The following RASA2 variants were observed in gnomAD, a reference collection of about 807,000 sequenced individuals.
RASA2 encodes the protein RAS p21 protein activator 2, also known as ras GTPase-activating protein 2.
A neutral mutation model predicts 118.2 loss-of-function variants in RASA2; 155 were observed. That is an observed-to-expected ratio of 1.31 (90% CI 1.15 to 1.50). The LOEUF (loss-of-function observed/expected upper bound fraction) is 1.50, where lower values mean the gene tolerates loss of function less well. Ranked by LOEUF, RASA2 falls within the 40% of genes most tolerant of loss-of-function variation. The pLI, the probability that RASA2 is intolerant of heterozygous loss-of-function variation, is 0.00. For synonymous variants in RASA2, 353 were observed against 349.1 expected, an observed-to-expected ratio of 1.01 and a Z score of -0.12; for missense variants, 1,016 against 1,009.6, an observed-to-expected ratio of 1.01 and a Z score of -0.09.
intron 18 of RASA2, among the ~76,000 whole-genome samples, 192 bp downstream of exon 18, chr3:141,586,290 C>G (rs1018465512): frequency 6.6e-6 from 1 of 152,082 alleles, no homozygotes; most frequent in Non-Finnish European, 1.5e-5. Flanking sequence ...CCTGTGCATA[C>G]AGTCCTAGAG....
intron 4 of RASA2, among the ~76,000 whole-genome samples, chr3:141,532,026 C>T (rs923050589): frequency 5.3e-5 from 8 of 151,956 alleles, no homozygotes; most frequent in Admixed American, 5.2e-4. Flanking sequence ...AAACAGATTG[C>T]GTTCAACAGG....
At chr3:141,492,847 T>C (rs569827600) in intron 1 of RASA2, among the ~76,000 whole-genome samples, 2 of 152,356 alleles carry the variant, frequency 1.3e-5, no homozygotes, top group South Asian at 4.1e-4. Context: ...ACGTAATACA[T>C]ATCGAAGGGT....
Position 141,571,497 on chromosome 3 carries a change from A to G in RASA2, c.1112A>G (p.His371Arg). ...VLPLVRLLLH[H>R]DKLVPFATAV... Reference sequence around the variant, plus strand: ...CCCCTTGTACGACTGCTGCTGCACCATGATAAACTTGTTCCTTTTGCCACT... The same window carrying G: ...CCCCTTGTACGACTGCTGCTGCACCGTGATAAACTTGTTCCTTTTGCCACT... The change falls in exon 11 of 24, where the codon CAT (histidine) becomes CGT (arginine). Residue 371 changes from histidine to arginine, a missense_variant. His to Arg is a conservative substitution (Grantham distance 29, BLOSUM62 0). Coordinates refer to ENST00000286364, the MANE Select transcript of RASA2 (RefSeq NM_006506.5). 6 of 1,613,184 alleles carry G rather than the reference A, an allele frequency of 3.7e-6. No homozygotes were observed. Among genetic ancestry groups the G allele is most frequent in the East Asian group, 4.5e-5 (2 of 44,830 alleles).
At chr3:141,487,367 G>T (rs1239794692) in intron 1 of RASA2, 151 bp downstream of exon 1, 21 of 940,770 alleles carry the variant, frequency 2.2e-5, no homozygotes, top group Non-Finnish European at 2.8e-5. Flanking sequence ...GCTGGAAGGG[G>T]GTGTGTTGGG....
intron 1 of RASA2, among the ~76,000 whole-genome samples, chr3:141,495,539 C>T (rs987034268): frequency 2.6e-5 from 4 of 151,936 alleles, no homozygotes; most frequent in Middle Eastern, 3.2e-3. Context: ...TTTAAAACAT[C>T]AATTTACAAA....
At chr3:141,504,365 G>T (rs1418035723) in intron 1 of RASA2, among the ~76,000 whole-genome samples, 1 of 152,104 alleles carries the variant, frequency 6.6e-6, no homozygotes, top group Non-Finnish European at 1.5e-5. Context: ...GATGTATAAG[G>T]CATCTCAGAT....
At chr3:141,549,653 G>C in intron 5 of RASA2, among the ~76,000 whole-genome samples, 1 of 152,136 alleles carries the variant, frequency 6.6e-6, no homozygotes, top group East Asian at 1.9e-4. Flanking sequence ...TGACCAAAGA[G>C]CTGAAGTTTA....
Position 141,609,906 on chromosome 3 carries a change from G to T in RASA2, c.2359G>T (p.Gly787Ter). 2 of 1,599,006 alleles carry T rather than the reference G, an allele frequency of 1.3e-6. No individual in the cohort carries two copies. The highest frequency in any genetic ancestry group is 2.3e-5 in the East Asian group (1 of 44,204). The change falls in exon 23 of 24, where the codon GGA becomes TGA. Residue 787 changes from glycine to a stop codon, truncating the protein, a stop_gained. Transcript: ENST00000286364. LOFTEE classifies it high-confidence loss of function. ...EACGTIAVYQ[G>*]PQKEPDDYSN... ...TTGTGGAACTATTGCAGTCTATCAA[G>T]GACCACAGAAAGAGCCTGATGATTA... is the stretch of plus-strand genomic sequence containing the variant.
intron 8 of RASA2, 131 bp downstream of exon 8, chr3:141,559,093 A>G: frequency 1.6e-6 from 1 of 616,446 alleles, no homozygotes; most frequent in East Asian, 3.0e-5. Flanking sequence ...TTAGAGGAAT[A>G]TGCAACTAAT....
chr3:141,584,153 A>G (rs2107773812), intron 17 of RASA2, among the ~76,000 whole-genome samples: 1 of 152,134 alleles, frequency 6.6e-6, no homozygotes, highest in South Asian at 2.1e-4. Flanking sequence ...CAATATGGTT[A>G]AACCCTGTCT....
chr3:141,604,611 C>A (rs2083517844), intron 19 of RASA2, among the ~76,000 whole-genome samples: 2 of 151,996 alleles, frequency 1.3e-5, no homozygotes, highest in South Asian at 2.1e-4. Context: ...TTACTGATTT[C>A]TTTGGCCCAA....
intron 2 of RASA2, among the ~76,000 whole-genome samples, chr3:141,516,075 T>A (rs1182089064): frequency 2.2e-5 from 3 of 136,606 alleles, no homozygotes; most frequent in East Asian, 5.0e-4. Flanking sequence ...GGGGGAGGGA[T>A]AGCATTAGGA....
intron 19 of RASA2, among the ~76,000 whole-genome samples, chr3:141,595,571 A>G (rs533845335): frequency 1.3e-5 from 2 of 152,340 alleles, no homozygotes; most frequent in South Asian, 4.1e-4. Context: ...GGAGAAAAAA[A>G]CAGAATTGAA....
At chr3:141,572,492 T>C (rs1016667560) in intron 11 of RASA2, 117 bp from the exon 12 acceptor site, 2 of 684,002 alleles carry the variant, frequency 2.9e-6, no homozygotes, top group African/African-American at 3.7e-5. Flanking sequence ...TTATGCCTTC[T>C]AGTATGTCTT....
intron 19 of RASA2, among the ~76,000 whole-genome samples, chr3:141,588,947 T>C (rs1278446223): frequency 1.3e-5 from 2 of 151,968 alleles, no homozygotes; most frequent in Non-Finnish European, 2.9e-5. Context: ...ATTCAAGCGA[T>C]TGTCCTGCCT....
chr3:141,491,981 T>C (rs2081645009), intron 1 of RASA2, among the ~76,000 whole-genome samples: 1 of 152,206 alleles, frequency 6.6e-6, no homozygotes, highest in Non-Finnish European at 1.5e-5. Flanking sequence ...TAAGAGTTCA[T>C]TTTTATCAGA....
chr3:141,568,368 T>A (rs11707656), intron 9 of RASA2, among the ~76,000 whole-genome samples: 31,431 of 151,994 alleles, frequency 0.21, 4,444 homozygotes, highest in Non-Finnish European at 0.31. Flanking sequence ...CACACATTTT[T>A]AAAAATCTAT....
Position 141,586,722 on chromosome 3 carries a change from A to G in RASA2, c.1903A>G (p.Ser635Gly). 1 of 1,613,548 alleles carries G rather than the reference A, an allele frequency of 6.2e-7. No individual in the cohort carries two copies. Reference protein sequence around the residue: ...NFKKRWFCLTSRELTYHKQPG... With the variant: ...NFKKRWFCLTGRELTYHKQPG... ...TAAGAAACGATGGTTCTGCTTAACA[A>G]GCAGAGAGCTCACCTACCACAAACA... The change falls in exon 19 of 24, where the codon AGC becomes GGC. Residue 635 changes from serine to glycine, a missense_variant. This residue lies in a region of RASA2 where 896 missense variants were observed against 836.4 expected (regional missense o/e 1.07). Coordinates refer to ENST00000286364, the MANE Select transcript of RASA2 (RefSeq NM_006506.5).
intron 19 of RASA2, among the ~76,000 whole-genome samples, chr3:141,594,830 A>C (rs934390097): frequency 2.6e-5 from 4 of 152,148 alleles, no homozygotes; most frequent in African/African-American, 9.6e-5. Context: ...AGGAGTAAAG[A>C]GCACTGGAAA....
Sources: gnomAD v4.1 joint callset for allele counts (sites outside exome capture counted in the v4.1 genomes callset) on GRCh38, gnomAD v4.1.1 for gene constraint, gnomAD v4.1.1 regional missense constraint, MANE v1.5 for transcripts, NCBI Gene and HGNC (gene_info 2026-07-23, HGNC 2026-07-21) for gene names.